Variants in TTN observed in about 807,000 individuals in gnomAD.
The protein encoded by TTN is connectin.
Under a neutral mutation model 3,223.0 loss-of-function variants are expected in TTN, and 1,525 were observed. The observed-to-expected ratio is 0.47, with a 90% CI of 0.45 to 0.49. The LOEUF is 0.49. TTN is among the 20% of genes least tolerant of loss of function. TTN has a pLI of 0.00. For missense variants in TTN, 40,786 were observed against 43,424.0 expected (o/e 0.94, Z 5.40); for synonymous variants, 14,094 against 15,161.0 (o/e 0.93, Z 5.17).
chr2:178,712,209 A>G lies in TTN; in HGVS notation c.27621T>C (p.Phe9207=), dbSNP rs2076759908. Residue 9207 remains phenylalanine (F), a synonymous_variant, in exon 96 of 363, where the codon TTT becomes TTC. Coordinates refer to ENST00000589042, the MANE Select transcript of TTN (RefSeq NM_001267550.2). ...AQILILEPPY[F]VKQLEPVKVS... ...CCTTAACCGGCTCCAACTGCTTGACAAAATACGGTGGTTCTGCAGCCAAGA... is the reference window on the plus strand; with the variant it reads ...CCTTAACCGGCTCCAACTGCTTGACGAAATACGGTGGTTCTGCAGCCAAGA... The G allele has an allele frequency of 1.2e-6, 2 of 1,612,994 alleles. No homozygotes were observed. Among genetic ancestry groups the G allele is most frequent in the African/African-American group, 1.3e-5 (1 of 74,904 alleles).
chr2:178,679,507 G>GAC (rs985888386), intron 141 of TTN, 91 bp from the exon 142 acceptor site: 11 of 1,583,464 alleles, frequency 6.9e-6, no homozygotes, highest in African/African-American at 2.7e-5. Flanking sequence ...AACGGACAGT[G>GAC]ACACACACAC....
chr2:178,649,984 G>C, intron 210 of TTN, 90 bp from the exon 211 acceptor site: 1 of 1,444,998 alleles, frequency 6.9e-7, no homozygotes, highest in Non-Finnish European at 9.5e-7. Flanking sequence ...CATATTTCTT[G>C]GTATATGTGG....
chr2:178,757,231 T>TTG (rs1252574568), intron 45 of TTN, among the ~76,000 whole-genome samples: 3 of 148,854 alleles, frequency 2.0e-5, no homozygotes, highest in Admixed American at 6.7e-5. Flanking sequence ...TAAGTAATAA[T>TTG]CAGCAAATAG....
At chr2:178,647,196 C>T (rs1576890325) in intron 214 of TTN, 52 bp from the exon 215 acceptor site, 2 of 1,179,820 alleles carry the variant, frequency 1.7e-6, no homozygotes, top group Non-Finnish European at 2.3e-6. Context: ...CAGAATACTG[C>T]AACTACTATT....
At position 178,723,381 on chromosome 2, in the gene TTN, T is replaced by C. The variant is rs1381658986; in HGVS notation, c.21682+37A>G. 4 of 1,604,052 alleles carry C rather than the reference T, an allele frequency of 2.5e-6. No homozygotes were observed. In the African/African-American group the frequency reaches 4.0e-5, roughly 16 times the overall value. On this transcript the variant is annotated intron_variant, in intron 74 of 362. Transcript: ENST00000589042. ...CAAGAAAAACACAAGGATGTCGGTA[T>C]ACAGAAAACAGAAAAAGTGAATCCA... is the stretch of plus-strand genomic sequence containing the variant.
intron 1 of TTN, among the ~76,000 whole-genome samples, chr2:178,805,653 G>A (rs1395182453): frequency 1.3e-5 from 2 of 152,138 alleles, no homozygotes; most frequent in Non-Finnish European, 2.9e-5. Flanking sequence ...AGTAAATGTT[G>A]TTACTGCTGA....
Position 178,581,824 on chromosome 2 carries a change from G to T in TTN, c.66464-20C>A. On this transcript the variant is annotated intron_variant, in intron 315 of 362. Coordinates refer to ENST00000589042, the MANE Select transcript of TTN (RefSeq NM_001267550.2). ...GAGGATCTGAGAATAAATAATGATA[G>T]GAAATTTTCATGAAAACTTCCTTCC... 1 of 1,594,728 alleles carries T rather than the reference G, an allele frequency of 6.3e-7. No individual in the cohort carries two copies. The highest frequency in any genetic ancestry group is 2.3e-5 in the East Asian group (1 of 44,226).
chr2:178,649,329 G>C lies in TTN; in HGVS notation c.39976C>G (p.Pro13326Ala), dbSNP rs1576918874. 1 of 1,448,224 alleles carries C rather than the reference G, an allele frequency of 6.9e-7. No individual in the cohort carries two copies. Among genetic ancestry groups the C allele is most frequent in the Admixed American group, 3.2e-5 (1 of 30,778 alleles). The allele number at this position is 1,448,224 out of a possible 1,614,324, so 89.7% of individuals were successfully genotyped here. Residue 13326 changes from proline to alanine, a missense_variant and splice_region_variant, in exon 213 of 363, where the codon CCT becomes GCT. Physicochemically the swap from Pro to Ala is conservative, Grantham distance 27. Coordinates refer to ENST00000589042, the MANE Select transcript of TTN (RefSeq NM_001267550.2). ...GGAACAAGTTTCTTGGGCACCTCAG[G>C]CACTTTGAAGATATTAGTTTTGTTT... ...KKPETPAAKV[P>A]EVPKKLVPVK...
At chr2:178,778,785 T>G in intron 24 of TTN, 89 bp downstream of exon 24, 2 of 1,580,450 alleles carry the variant, frequency 1.3e-6, no homozygotes, top group Non-Finnish European at 1.7e-6. Flanking sequence ...TAGCCCTCGA[T>G]TTTCTTCTTA....
intron 47 of TTN, chr2:178,749,976 A>G (rs755314232): frequency 1.2e-6 from 2 of 1,613,192 alleles, no homozygotes; most frequent in Non-Finnish European, 1.7e-6. Context: ...TGTTTTGGTG[A>G]TTGAGTAACT....
intron 282 of TTN, 22 bp downstream of exon 282, chr2:178,603,854 C>A: frequency 6.6e-7 from 1 of 1,516,800 alleles, no homozygotes; most frequent in Non-Finnish European, 8.9e-7. Context: ...AAATTAGTCC[C>A]CAGAAACGGA....
Position 178,745,815 on chromosome 2 carries a change from T to C in TTN, c.11312-3894A>G, listed in dbSNP as rs1301910316. Reference sequence around the variant, plus strand: ...ACTAAGCACTGAAAATATGCTGCTGTACCTATTGGTGCATAACAGTCAGAA... The same window carrying C: ...ACTAAGCACTGAAAATATGCTGCTGCACCTATTGGTGCATAACAGTCAGAA... On this transcript the variant is annotated intron_variant, in intron 47 of 362. Coordinates refer to ENST00000589042, the MANE Select transcript of TTN (RefSeq NM_001267550.2). The C allele has an allele frequency of 3.1e-6, 5 of 1,613,190 alleles. No individual in the cohort carries two copies. The South Asian group carries it at 3.3e-5, about 11-fold the overall frequency.
chr2:178,763,956 CACATA>C (rs1189570311), intron 43 of TTN, among the ~76,000 whole-genome samples: 15 of 151,804 alleles, frequency 9.9e-5, no homozygotes, highest in Non-Finnish European at 1.8e-4. Flanking sequence ...TGATAAAGAA[CACATA>C]ACATAACATA....
chr2:178,699,841 CT>C (rs2074624981), intron 111 of TTN, among the ~76,000 whole-genome samples: 3 of 149,392 alleles, frequency 2.0e-5, no homozygotes, highest in African/African-American at 7.4e-5. Context: ...ATTCTCCTGC[CT>C]CAGCCTCTCT....
chr2:178,712,765 C>T lies in TTN; in HGVS notation c.27260G>A (p.Gly9087Glu), dbSNP rs1444251270. The T allele has an allele frequency of 6.2e-7, 1 of 1,613,826 alleles. No individual in the cohort carries two copies. Among genetic ancestry groups the T allele is most frequent in the South Asian group, 1.1e-5 (1 of 91,082 alleles). ...ELFDVDTSQS[G>E]EYTCIVSNEA... ...ATTGCTAACTATGCAAGTATATTCT[C>T]CACTTTGTGATGTATCTACATCGAA... Residue 9087 changes from glycine (G) to glutamate (E), a missense_variant, in exon 94 of 363, where the codon GGA becomes GAA. Gly to Glu is a moderately conservative substitution (Grantham distance 98). Coordinates refer to ENST00000589042, the MANE Select transcript of TTN (RefSeq NM_001267550.2).
rs376143407 is a variant in TTN, at chr2:178,728,791, T to C, written c.19148-13A>G. On this transcript the variant is annotated splice_polypyrimidine_tract_variant and intron_variant, in intron 65 of 362. Transcript: ENST00000589042. ...ATTTGAGCTGGTTCTGTAGTAAAAA[T>C]GAAAATGTGGATGAGTTACATTGGT... 42 of 1,589,412 alleles carry C rather than the reference T, an allele frequency of 2.6e-5. No individual in the cohort carries two copies. The African/African-American group carries it at 5.3e-4, about 20-fold the overall frequency.
intron 49 of TTN, 87 bp downstream of exon 49, chr2:178,737,995 C>G: frequency 6.5e-7 from 1 of 1,531,262 alleles, no homozygotes; most frequent in Non-Finnish European, 8.8e-7. Context: ...GTTGGTAATA[C>G]AAGCATTTCC....
chr2:178,720,840 C>A, intron 79 of TTN, 81 bp downstream of exon 79: 1 of 1,465,328 alleles, frequency 6.8e-7, no homozygotes, highest in East Asian at 2.3e-5. Context: ...CTTAATTATC[C>A]TTTTATTTTG....
Position 178,721,220 on chromosome 2 carries a change from A to T in TTN, c.22817-18T>A. 6.4e-7 allele frequency: 1 copy of T among 1,560,042 alleles called. No individual in the cohort carries two copies. Among genetic ancestry groups the T allele is most frequent in the Non-Finnish European group, 8.7e-7 (1 of 1,151,420 alleles). ...TGGAGGTTCTAGTAAACCAAACAAA[A>T]CAGTCAGTAAGGGATATTTATTATA... On this transcript the variant is annotated intron_variant, in intron 78 of 362. Transcript: ENST00000589042.
Sources: allele counts gnomAD v4.1 joint callset (sites outside exome capture counted in the v4.1 genomes callset), GRCh38; gene constraint gnomAD v4.1.1; transcripts MANE v1.5; gene names NCBI Gene and HGNC (gene_info 2026-07-23, HGNC 2026-07-21).